The following PDZRN4 variants were observed in gnomAD, a reference collection of about 807,000 sequenced individuals.
PDZRN4 encodes PDZ domain-containing RING finger protein 4.
Under a neutral mutation model 99.0 loss-of-function variants are expected in PDZRN4, and 70 were observed. The ratio of observed to expected loss-of-function variants is 0.71; its 90% CI spans 0.58 to 0.86. The LOEUF (loss-of-function observed/expected upper bound fraction) is 0.86. Ranked by LOEUF, PDZRN4 falls within the 40% of genes least tolerant of loss-of-function variation. The pLI is 0.00. For synonymous variants in PDZRN4, 551 were observed against 501.6 expected (o/e 1.10, Z -1.32); for missense variants, 1,474 against 1,331.2 (o/e 1.11, Z -1.67).
chr12:41,418,256 A>G (rs1952460193), intron 3 of PDZRN4, among the ~76,000 whole-genome samples: 1 of 152,294 alleles, frequency 6.6e-6, no homozygotes, highest in South Asian at 2.1e-4. Context: ...ACTTGGAAAC[A>G]TTGTTTTCAT....
intron 5 of PDZRN4, among the ~76,000 whole-genome samples, chr12:41,510,708 G>A (rs1415754087): frequency 6.6e-6 from 1 of 152,134 alleles, no homozygotes; most frequent in Admixed American, 6.6e-5. Context: ...GTTCAGCAAA[G>A]TGTTCTCTTC....
chr12:41,450,973 T>A (rs1952769666), intron 3 of PDZRN4, among the ~76,000 whole-genome samples: 1 of 151,850 alleles, frequency 6.6e-6, no homozygotes, highest in South Asian at 2.1e-4. Context: ...TGTGTATATA[T>A]TACTATATAT....
chr12:41,372,105 G>C (rs1386665143), intron 3 of PDZRN4, among the ~76,000 whole-genome samples: 1 of 151,580 alleles, frequency 6.6e-6, no homozygotes, highest in East Asian at 1.9e-4. Flanking sequence ...TTCCCCTAAA[G>C]GAAAGATGTA....
At chr12:41,556,028 C>T (rs1939155902) in intron 7 of PDZRN4, among the ~76,000 whole-genome samples, 1 of 152,318 alleles carries the variant, frequency 6.6e-6, no homozygotes, top group Non-Finnish European at 1.5e-5. Context: ...GCTTGGCACA[C>T]TGCATAACCT....
At chr12:41,304,632 A>G (rs1951557780) in intron 3 of PDZRN4, among the ~76,000 whole-genome samples, 1 of 152,208 alleles carries the variant, frequency 6.6e-6, no homozygotes, top group African/African-American at 2.4e-5. Context: ...CCCCAATGAG[A>G]ATGCATGCTT....
At chr12:41,208,927 T>G (rs1950868574) in intron 3 of PDZRN4, among the ~76,000 whole-genome samples, 1 of 152,002 alleles carries the variant, frequency 6.6e-6, no homozygotes, top group African/African-American at 2.4e-5. Flanking sequence ...TAATGAATTT[T>G]CACCTTGTTC....
chr12:41,270,314 G>GTGTA (rs1951306596), intron 3 of PDZRN4, among the ~76,000 whole-genome samples: 1 of 133,180 alleles, frequency 7.5e-6, no homozygotes, highest in African/African-American at 2.8e-5. Flanking sequence ...TGTGTGTGGT[G>GTGTA]TGTGTGTGTG....
chr12:41,365,530 A>T (rs1395314091), intron 3 of PDZRN4, among the ~76,000 whole-genome samples: 1 of 152,110 alleles, frequency 6.6e-6, no homozygotes, highest in Non-Finnish European at 1.5e-5. Flanking sequence ...TTATGAAATA[A>T]ATTATTTTGA....
At chr12:41,477,794 C>A in intron 3 of PDZRN4, 1 of 860,648 alleles carries the variant, frequency 1.2e-6, no homozygotes, top group Non-Finnish European at 1.9e-6. Context: ...CCCACAGGCG[C>A]CTTTACCATG....
chr12:41,522,522 C>T (rs922817069), intron 5 of PDZRN4, among the ~76,000 whole-genome samples: 1 of 152,054 alleles, frequency 6.6e-6, no homozygotes, highest in East Asian at 1.9e-4. Flanking sequence ...TAGGTGGCAG[C>T]ACATGTGAAT....
chr12:41,331,754 G>C (rs73124826), intron 3 of PDZRN4, among the ~76,000 whole-genome samples: 2 of 152,008 alleles, frequency 1.3e-5, no homozygotes, highest in Non-Finnish European at 2.9e-5. Flanking sequence ...ATGGTGAAAG[G>C]CACCTCTTTA....
intron 3 of PDZRN4, among the ~76,000 whole-genome samples, chr12:41,373,693 G>T (rs1952060031): frequency 6.6e-6 from 1 of 152,036 alleles, no homozygotes. Flanking sequence ...TCATCACAGG[G>T]TCCTGAGGTG....
chr12:41,512,579 T>G (rs1164563257), intron 5 of PDZRN4, among the ~76,000 whole-genome samples: 1 of 151,834 alleles, frequency 6.6e-6, no homozygotes, highest in Non-Finnish European at 1.5e-5. Flanking sequence ...AAGGAGGGTG[T>G]GTTTTGTGGA....
intron 5 of PDZRN4, among the ~76,000 whole-genome samples, chr12:41,528,064 A>T (rs2120731051): frequency 6.6e-6 from 1 of 152,350 alleles, no homozygotes; most frequent in African/African-American, 2.4e-5. Context: ...GCCATTTAGC[A>T]AAAAGGGTAG....
At chr12:41,455,554 A>C (rs1952811082) in intron 3 of PDZRN4, among the ~76,000 whole-genome samples, 1 of 152,192 alleles carries the variant, frequency 6.6e-6, no homozygotes, top group Non-Finnish European at 1.5e-5. Flanking sequence ...AAAATAAATA[A>C]TAAAATAACA....
At chr12:41,507,434 T>C (rs1475129762) in intron 4 of PDZRN4, among the ~76,000 whole-genome samples, 1 of 152,024 alleles carries the variant, frequency 6.6e-6, no homozygotes, top group Non-Finnish European at 1.5e-5. Context: ...ACATTGAGAG[T>C]TTGTAAGAGC....
chr12:41,553,321 T>C (rs1939091192), intron 6 of PDZRN4, among the ~76,000 whole-genome samples: 1 of 152,260 alleles, frequency 6.6e-6, no homozygotes, highest in African/African-American at 2.4e-5. Context: ...ATACTGTTAG[T>C]GTTCATTCCT....
intron 3 of PDZRN4, among the ~76,000 whole-genome samples, chr12:41,219,276 G>A (rs1258096970): frequency 6.6e-6 from 1 of 152,038 alleles, no homozygotes; most frequent in Non-Finnish European, 1.5e-5. Flanking sequence ...AGTTCACAGG[G>A]AGCATGATCT....
chr12:41,375,156 C>T (rs1565565725), intron 3 of PDZRN4, among the ~76,000 whole-genome samples: 1 of 152,140 alleles, frequency 6.6e-6, no homozygotes, highest in Non-Finnish European at 1.5e-5. Context: ...CCTCAGTCTA[C>T]AACTTGATTA....
Sources: gnomAD v4.1 joint callset for allele counts (sites outside exome capture counted in the v4.1 genomes callset) on GRCh38, gnomAD v4.1.1 for gene constraint, MANE v1.5 for transcripts, NCBI Gene and HGNC (gene_info 2026-07-23, HGNC 2026-07-21) for gene names.